SH3GL2: variants seen among roughly 807,000 people sequenced by gnomAD.
SH3GL2 encodes the protein endophilin-A1.
Under a neutral mutation model 46.0 loss-of-function variants are expected in SH3GL2, and 24 were observed. The ratio of observed to expected loss-of-function variants is 0.52; its 90% CI spans 0.38 to 0.73. SH3GL2 has a LOEUF of 0.73. Ranked by LOEUF, SH3GL2 falls within the 30% of genes least tolerant of loss-of-function variation. The pLI is 0.00. For missense variants in SH3GL2, 413 were observed against 424.2 expected (o/e 0.97, Z 0.23); for synonymous variants, 196 against 147.1 (o/e 1.33, Z -2.40).
At chr9:17,787,268 G>T in intron 4 of SH3GL2, 112 bp from the exon 5 acceptor site, 1 of 812,816 alleles carries the variant, frequency 1.2e-6, no homozygotes. Context: ...CTTGTCTGTT[G>T]TCTTTAGAAG....
rs749097999 is a variant in SH3GL2, at chr9:17,795,709, A to G, written c.1025A>G (p.Asn342Ser). 21 of 1,613,840 alleles carry G rather than the reference A, an allele frequency of 1.3e-5. No homozygotes were observed. Among genetic ancestry groups the G allele is most frequent in the Non-Finnish European group, 1.5e-5 (18 of 1,179,934 alleles). The change falls in exon 9 of 9, where the codon AAT becomes AGT. Residue 342 changes from asparagine to serine, a missense_variant. By Grantham distance (46) the Asn-to-Ser change is conservative. This residue lies in a region of SH3GL2 where 248 missense variants were observed against 215.0 expected (regional missense o/e 1.15). Coordinates refer to ENST00000380607, the MANE Select transcript of SH3GL2 (RefSeq NM_003026.5). ...LHGHSGFFPI[N>S]YVEILVALPH ...GGCCATTCAGGCTTCTTCCCCATCA[A>G]TTATGTGGAAATTCTGGTTGCCCTG...
chr9:17,789,843 C>T (rs976658151), intron 6 of SH3GL2: 119 of 833,270 alleles, frequency 1.4e-4, no homozygotes, highest in Middle Eastern at 1.2e-3. Context: ...TGTAATTTAT[C>T]GAATAACGCA....
intron 3 of SH3GL2, among the ~76,000 whole-genome samples, chr9:17,762,553 G>C (rs1389085366): frequency 6.6e-6 from 1 of 152,104 alleles, no homozygotes; most frequent in Non-Finnish European, 1.5e-5. Context: ...TTCTGAGGAT[G>C]AGCAGACTAT....
intron 1 of SH3GL2, among the ~76,000 whole-genome samples, chr9:17,641,234 T>G (rs1401426681): frequency 2.0e-5 from 3 of 152,194 alleles, no homozygotes; most frequent in African/African-American, 7.2e-5. Context: ...GTTTTTCCAG[T>G]CTCTCAGAAG....
chr9:17,747,706 G>T (rs776392049), intron 2 of SH3GL2, among the ~76,000 whole-genome samples: 1 of 151,878 alleles, frequency 6.6e-6, no homozygotes, highest in African/African-American at 2.4e-5. Context: ...ATGGAGTCTT[G>T]CTCTGTTGCC....
intron 1 of SH3GL2, among the ~76,000 whole-genome samples, chr9:17,735,401 T>G (rs1822302982): frequency 6.6e-6 from 1 of 152,150 alleles, no homozygotes; most frequent in Non-Finnish European, 1.5e-5. Context: ...ATGCTCCCTA[T>G]ATATTTGTGT....
intron 1 of SH3GL2, among the ~76,000 whole-genome samples, chr9:17,595,639 C>T (rs753543558): frequency 6.6e-6 from 1 of 152,126 alleles, no homozygotes; most frequent in Non-Finnish European, 1.5e-5. Context: ...TTGTAAACAA[C>T]CTCAATAAGG....
At chr9:17,727,832 A>T (rs1433655046) in intron 1 of SH3GL2, among the ~76,000 whole-genome samples, 1 of 150,958 alleles carries the variant, frequency 6.6e-6, no homozygotes, top group Non-Finnish European at 1.5e-5. Context: ...TCCCTGCCCC[A>T]CCCCTCTCTT....
At position 17,715,504 on chromosome 9, in the gene SH3GL2, T is replaced by C. The variant is rs552654840; in HGVS notation, c.46-31562T>C. On this transcript the variant is annotated intron_variant, in intron 1 of 8. Coordinates refer to ENST00000380607, the MANE Select transcript of SH3GL2 (RefSeq NM_003026.5). ...ATCTCACTGATTATTTTCTTTCTTT[T>C]TTTGATTCATTTTCTCCATGTGTTT... 1.4e-4 allele frequency among the ~76,000 whole-genome samples: 21 copies of C among 152,028 alleles called. 2 individuals carry two copies. The East Asian group carries it at 3.9e-3, about 28-fold the overall frequency.
chr9:17,776,189 C>CATGT (rs1823636501), intron 3 of SH3GL2, among the ~76,000 whole-genome samples: 1 of 152,038 alleles, frequency 6.6e-6, no homozygotes, highest in African/African-American at 2.4e-5. Flanking sequence ...TTGTGCTGGG[C>CATGT]ATGTACGTTC....
intron 1 of SH3GL2, among the ~76,000 whole-genome samples, chr9:17,651,761 C>T (rs1819965303): frequency 6.6e-6 from 1 of 152,040 alleles, no homozygotes; most frequent in Admixed American, 6.6e-5. Context: ...TTTCATATTT[C>T]CAATATTTCC....
At chr9:17,597,075 A>G (rs949703551) in intron 1 of SH3GL2, among the ~76,000 whole-genome samples, 21 of 152,220 alleles carry the variant, frequency 1.4e-4, no homozygotes, top group African/African-American at 5.1e-4. Context: ...TCTGGGGATA[A>G]TATTAACTTG....
chr9:17,638,009 T>C (rs1360738897), intron 1 of SH3GL2, among the ~76,000 whole-genome samples: 4 of 151,778 alleles, frequency 2.6e-5, no homozygotes, highest in Non-Finnish European at 5.9e-5. Flanking sequence ...ACAGAAAAAT[T>C]AGCCGGGCAT....
chr9:17,678,110 T>C (rs1820662301), intron 1 of SH3GL2, among the ~76,000 whole-genome samples: 1 of 152,218 alleles, frequency 6.6e-6, no homozygotes, highest in East Asian at 1.9e-4. Context: ...TGCATGTGTC[T>C]TTATAGCAGC....
intron 1 of SH3GL2, among the ~76,000 whole-genome samples, chr9:17,739,206 A>G (rs962667963): frequency 6.6e-6 from 1 of 152,026 alleles, no homozygotes; most frequent in African/African-American, 2.4e-5. Flanking sequence ...ATCCTGATTG[A>G]CTTGCTTTGG....
At chr9:17,648,011 T>C (rs1375292485) in intron 1 of SH3GL2, among the ~76,000 whole-genome samples, 1 of 152,182 alleles carries the variant, frequency 6.6e-6, no homozygotes, top group African/African-American at 2.4e-5. Flanking sequence ...TAAATATATA[T>C]TCTCTTCCTT....
chr9:17,776,052 A>C lies in SH3GL2; in HGVS notation c.188-10329A>C, dbSNP rs1239572097. Among the ~76,000 whole-genome samples, 3 of 152,316 alleles carry C rather than the reference A, an allele frequency of 2.0e-5. No homozygotes were observed. The East Asian group carries it at 5.8e-4, about 29-fold the overall frequency. ...AGGTCTTTCCCAAAATACTGCCATCATAATCATCTAGGGTGGGGAGAAAAA... is the reference window on the plus strand; with the variant it reads ...AGGTCTTTCCCAAAATACTGCCATCCTAATCATCTAGGGTGGGGAGAAAAA... On this transcript the variant is annotated intron_variant, in intron 3 of 8. Coordinates refer to ENST00000380607, the MANE Select transcript of SH3GL2 (RefSeq NM_003026.5).
intron 1 of SH3GL2, among the ~76,000 whole-genome samples, chr9:17,647,697 T>G (rs952483405): frequency 2.0e-5 from 3 of 152,148 alleles, no homozygotes; most frequent in Admixed American, 2.0e-4. Context: ...GAGGAGGGAT[T>G]ATAAAGATTA....
At chr9:17,755,023 T>G (rs1194270901) in intron 2 of SH3GL2, among the ~76,000 whole-genome samples, 2 of 152,132 alleles carry the variant, frequency 1.3e-5, no homozygotes, top group Non-Finnish European at 2.9e-5. Context: ...CAATACTATG[T>G]TAAATAGGAG....
Sources: gnomAD v4.1 joint callset for allele counts (sites outside exome capture counted in the v4.1 genomes callset) on GRCh38, gnomAD v4.1.1 for gene constraint, gnomAD v4.1.1 regional missense constraint, MANE v1.5 for transcripts, NCBI Gene and HGNC (gene_info 2026-07-23, HGNC 2026-07-21) for gene names.